Variants in TPP1 observed in about 807,000 individuals in gnomAD.
TPP1 encodes the protein tripeptidyl peptidase 1, also known as tripeptidyl-peptidase 1.
A neutral mutation model predicts 67.6 loss-of-function variants in TPP1; 43 were observed. The ratio of observed to expected loss-of-function variants is 0.64; its 90% CI spans 0.50 to 0.82. The LOEUF (loss-of-function observed/expected upper bound fraction) is 0.82, where lower values mean the gene tolerates loss of function less well. Ranked by LOEUF, TPP1 falls within the 40% of genes least tolerant of loss-of-function variation. TPP1 has a pLI of 0.00. For missense variants in TPP1, 671 were observed against 710.9 expected, an observed-to-expected ratio of 0.94 and a Z score of 0.64; for synonymous variants, 272 against 281.5, an observed-to-expected ratio of 0.97 and a Z score of 0.34.
chr11:6,616,546 A>G (rs1464756461), intron 7 of TPP1, 43 bp from the exon 8 acceptor site: 1 of 1,585,798 alleles, frequency 6.3e-7, no homozygotes, highest in African/African-American at 1.4e-5. Context: ...GGGCACAAAG[A>G]TAGTCACTGG....
chr11:6,615,748 C>T (rs566509231), intron 9 of TPP1, 186 bp from the exon 10 acceptor site: 401 of 817,306 alleles, frequency 4.9e-4, no homozygotes, highest in Middle Eastern at 2.9e-3. Flanking sequence ...GCACACTTTT[C>T]TCTACAGAAC....
intron 3 of TPP1, 97 bp from the exon 4 acceptor site, chr11:6,617,873 CTGGAA>C: frequency 6.4e-7 from 1 of 1,566,732 alleles, no homozygotes; most frequent in Non-Finnish European, 8.8e-7. Flanking sequence ...TTCCCAAAGC[CTGGAA>C]CAGGGTAAAG....
chr11:6,615,112 A>G, intron 11 of TPP1, 59 bp downstream of exon 11: 1 of 1,613,966 alleles, frequency 6.2e-7, no homozygotes, highest in African/African-American at 1.3e-5. Context: ...AAGGTGTTCA[A>G]GGTGTTAGGG....
chr11:6,615,192 A>C lies in TPP1; in HGVS notation c.1404T>G (p.Ile468Met). 6.2e-7 allele frequency: 1 copy of C among 1,614,128 alleles called. No homozygotes were observed. Among genetic ancestry groups the C allele is most frequent in the Non-Finnish European group, 8.5e-7 (1 of 1,180,022 alleles). The change falls in exon 11 of 13, where the codon ATT becomes ATG. Residue 468 changes from isoleucine to methionine, a missense_variant. Ile to Met is a conservative substitution (Grantham distance 10). Coordinates refer to ENST00000299427, the MANE Select transcript of TPP1 (RefSeq NM_000391.4). Reference sequence around the variant, plus strand: ...TCACCGAGGTTCCGGACACCCATGGAATGGGCACTCTGTTGCTGACCACCC... The same window carrying C: ...TCACCGAGGTTCCGGACACCCATGGCATGGGCACTCTGTTGCTGACCACCC... ...GYWVVSNRVP[I>M]PWVSGTSAST...
intron 2 of TPP1, 21 bp downstream of exon 2, chr11:6,619,175 G>A (rs374749174): frequency 1.1e-5 from 17 of 1,613,746 alleles, no homozygotes; most frequent in East Asian, 2.2e-5. Context: ...GAAGGGGGCA[G>A]TCTGTGCTAA....
chr11:6,615,881 A>C, intron 9 of TPP1, 124 bp downstream of exon 9: 2 of 1,115,184 alleles, frequency 1.8e-6, no homozygotes, highest in Non-Finnish European at 2.7e-6. Context: ...TACAGCAACC[A>C]GGGCAGGCAA....
At position 6,613,001 on chromosome 11, in the gene TPP1, G is replaced by GT. The variant is rs1855520584; in HGVS notation, c.*1544dup. 6.6e-6 allele frequency: 1 copy of GT among 152,644 alleles called. No homozygotes were observed. The highest frequency in any genetic ancestry group is 2.4e-5 in the African/African-American group (1 of 41,438). The allele number at this position is 152,644 out of a possible 1,614,324, so 9.5% of individuals were successfully genotyped here. On this transcript the variant is annotated 3_prime_UTR_variant, in exon 13 of 13. Transcript: ENST00000299427. ...GTTAACATCTGCCACCTACTTCCAG[G>GT]TGCCAAGCACTGTTATCAACATTAT...
Position 6,615,437 on chromosome 11 carries a change from C to T in TPP1, c.1266+5G>A, listed in dbSNP as rs1800753. On this transcript the variant is annotated splice_donor_5th_base_variant and intron_variant, in intron 10 of 12. Transcript: ENST00000299427. ...CCCTGCATCCATCCACACAAACACA[C>T]GTACCTGGTATGAAGGCCGTGGGAA... is the stretch of plus-strand genomic sequence containing the variant. The T allele has an allele frequency of 3.4e-3, 5,553 of 1,614,182 alleles. 169 individuals are homozygous for T. The African/African-American group carries it at 0.062, about 18-fold the overall frequency.
chr11:6,617,124 A>G lies in TPP1; in HGVS notation c.538T>C (p.Ser180Pro). ...GGCTCAGGACGTTGCCTCAGGGATG[A>G]TGTTGGGGGAAAACGGTGCAGTCCC... ...VGGLHRFPPT[S>P]SLRQRPEPQV... The change falls in exon 6 of 13, where the codon TCA becomes CCA. Residue 180 changes from serine (S) to proline (P), a missense_variant. Physicochemically the swap from Ser to Pro is moderately conservative, Grantham distance 74 (BLOSUM62 -1). Coordinates refer to ENST00000299427, the MANE Select transcript of TPP1 (RefSeq NM_000391.4). The G allele has an allele frequency of 6.2e-7, 1 of 1,614,090 alleles. No homozygotes were observed. The highest frequency in any genetic ancestry group is 8.5e-7 in the Non-Finnish European group (1 of 1,179,996).
chr11:6,614,131 A>T lies in TPP1; in HGVS notation c.*415T>A. On this transcript the variant is annotated 3_prime_UTR_variant, in exon 13 of 13. Coordinates refer to ENST00000299427, the MANE Select transcript of TPP1 (RefSeq NM_000391.4). ...GCAAAGATTGAGAAGTATGCACTGG[A>T]GGCCATTGTTTCTGGATGTCAGGGT... The T allele has an allele frequency of 4.2e-6, 1 of 235,646 alleles. No individual in the cohort carries two copies. Among genetic ancestry groups the T allele is most frequent in the Non-Finnish European group, 8.6e-6 (1 of 116,394 alleles). The allele number at this position is 235,646 out of a possible 1,614,324, so 14.6% of individuals were successfully genotyped here. A position where few individuals can be genotyped will look rare whatever the true frequency, so the allele number is the denominator to read the frequency against.
At position 6,614,906 on chromosome 11, in the gene TPP1, T is replaced by C. The variant is rs1050925156; in HGVS notation, c.1511A>G (p.Asn504Ser). The C allele has an allele frequency of 1.9e-6, 3 of 1,613,822 alleles. No homozygotes were observed. Among genetic ancestry groups the C allele is most frequent in the Non-Finnish European group, 2.5e-6 (3 of 1,180,004 alleles). Residue 504 changes from asparagine (N) to serine (S), a missense_variant, in exon 12 of 13, where the codon AAC (asparagine) becomes AGC (serine). Asn to Ser is a conservative substitution (Grantham distance 46). Transcript: ENST00000299427. ...CCCATGCTGCTGGTAGAGCCTTGGG[T>C]TGAGAAAGCCAAGAGGGGGGCGGCC... is the stretch of plus-strand genomic sequence containing the variant. ...LSGRPPLGFL[N>S]PRLYQQHGAG...
Position 6,616,473 on chromosome 11 carries a change from T to A in TPP1, c.917A>T (p.Gln306Leu), listed in dbSNP as rs201192562. The A allele has an allele frequency of 1.9e-6, 3 of 1,609,914 alleles. No individual in the cohort carries two copies. In the Admixed American group the frequency reaches 5.0e-5, roughly 27 times the overall value. ...CTCATTACTGAGCAGCATGAGCCAC[T>A]GCAGGAAGGGCTCCTGTCCCTCATG... is the stretch of plus-strand genomic sequence containing the variant. ...GRHEGQEPFL[Q>L]WLMLLSNESA... The change falls in exon 8 of 13, where the codon CAG (glutamine) becomes CTG (leucine). Residue 306 changes from glutamine (Q) to leucine (L), a missense_variant. Physicochemically the swap from Gln to Leu is moderately radical, Grantham distance 113 (BLOSUM62 -2). Transcript: ENST00000299427.
At position 6,616,375 on chromosome 11, in the gene TPP1, G is replaced by A. The variant is rs750428882; in HGVS notation, c.1015C>T (p.Arg339Trp). The A allele has an allele frequency of 5.6e-6, 9 of 1,613,896 alleles. No homozygotes were observed. Among genetic ancestry groups the A allele is most frequent in the Admixed American group, 1.7e-5 (1 of 60,020 alleles). The change falls in exon 8 of 13, where the codon CGG (arginine) becomes TGG (tryptophan). Residue 339 changes from arginine to tryptophan, a missense_variant. Coordinates refer to ENST00000299427, the MANE Select transcript of TPP1 (RefSeq NM_000391.4). ...EDSLSSAYIQRVNTELMKAAA... is the reference protein window; with the variant it reads ...EDSLSSAYIQWVNTELMKAAA... ...GCCTTCATGAGCTCAGTGTTGACCCGCTGGATGTAGGCGCTGCTGAGGGAG... is the reference window on the plus strand; with the variant it reads ...GCCTTCATGAGCTCAGTGTTGACCCACTGGATGTAGGCGCTGCTGAGGGAG...
chr11:6,617,174 TGAG>T lies in TPP1; in HGVS notation c.509-24_509-22del, dbSNP rs542863187. 1.8e-4 allele frequency: 293 copies of T among 1,613,996 alleles called. No individual in the cohort carries two copies. The African/African-American group carries it at 3.1e-3, about 17-fold the overall frequency. On this transcript the variant is annotated intron_variant, in intron 5 of 12. Transcript: ENST00000299427. Reference sequence around the variant, plus strand: ...CCCCACTGTAGGGAGAAGTCAGGCTTGAGGAGATCTTATAGACTGTAATGCCCA... The same window carrying T: ...CCCCACTGTAGGGAGAAGTCAGGCTTGAGATCTTATAGACTGTAATGCCCA...
At position 6,617,713 on chromosome 11, in the gene TPP1, G is replaced by C; in HGVS notation, c.293C>G (p.Thr98Arg). 6.2e-7 allele frequency: 1 copy of C among 1,614,170 alleles called. No individual in the cohort carries two copies. Among genetic ancestry groups the C allele is most frequent in the East Asian group, 2.2e-5 (1 of 44,884 alleles). ...GGCTGCCAAGAGCCATTTTTGCACC[G>C]TGTGGAGGGTCAGTGGGGATGGCCT... is the stretch of plus-strand genomic sequence containing the variant. The part of the protein sequence containing the change: ...LVRPSPLTLH[T>R]VQKWLLAAGA... The change falls in exon 4 of 13, where the codon ACG becomes AGG. Residue 98 changes from threonine (T) to arginine (R), a missense_variant. Thr to Arg is a moderately conservative substitution (Grantham distance 71). Transcript: ENST00000299427.
At chr11:6,615,808 A>G in intron 9 of TPP1, 197 bp downstream of exon 9, 2 of 789,824 alleles carry the variant, frequency 2.5e-6, no homozygotes, top group Non-Finnish European at 2.1e-6. Flanking sequence ...AAAAGGAACA[A>G]TGGGAGCTGT....
In TPP1 at chr11:6,613,723, G is replaced by T. The variant is rs1330344273; in HGVS notation, c.*823C>A. ...TGAGGACTTGTTGATTGAAGGTGGG[G>T]TGAAAAGATGACACAGGTTTCTGGC... On this transcript the variant is annotated 3_prime_UTR_variant, in exon 13 of 13. Transcript: ENST00000299427. 6.5e-6 allele frequency: 1 copy of T among 152,688 alleles called. No homozygotes were observed. Among genetic ancestry groups the T allele is most frequent in the Non-Finnish European group, 1.5e-5 (1 of 68,090 alleles). 9.5% of individuals were successfully genotyped at this position (152,688 alleles called of 1,614,324 possible). A position where few individuals can be genotyped will look rare whatever the true frequency, so the allele number is the denominator to read the frequency against.
chr11:6,616,243 G>T, intron 8 of TPP1, 72 bp downstream of exon 8: 1 of 1,605,934 alleles, frequency 6.2e-7, no homozygotes. Context: ...CCAGGCTCAG[G>T]GATCACTGTG....
intron 1 of TPP1, 56 bp downstream of exon 1, chr11:6,619,328 C>T: frequency 6.2e-7 from 1 of 1,614,130 alleles, no homozygotes; most frequent in South Asian, 1.1e-5. Flanking sequence ...CCCACCCTCC[C>T]AATGTGTGCT....
Sources: allele counts gnomAD v4.1 joint callset, GRCh38; gene constraint gnomAD v4.1.1; transcripts MANE v1.5; gene names NCBI Gene and HGNC (gene_info 2026-07-23, HGNC 2026-07-21).